Variants in TPTE observed in about 807,000 individuals in gnomAD.
The protein encoded by TPTE is transmembrane phosphatase with tensin homology, also known as putative tyrosine-protein phosphatase TPTE.
Under a neutral mutation model 84.1 loss-of-function variants are expected in TPTE, and 59 were observed. That is an observed-to-expected ratio of 0.70 (90% confidence interval 0.57 to 0.87). TPTE has a LOEUF of 0.87. Among genes scored for constraint, TPTE ranks in the 40% least tolerant of loss-of-function variants. The pLI, the probability that TPTE is intolerant of heterozygous loss-of-function variation, is 0.00. For missense variants in TPTE, 382 were observed against 659.6 expected, an observed-to-expected ratio of 0.58 and a Z score of 4.61; for synonymous variants, 130 against 223.5, an observed-to-expected ratio of 0.58 and a Z score of 3.73.
chr21:10,581,649 T>G (rs1386826559), intron 17 of TPTE, among the ~76,000 whole-genome samples: 1 of 152,312 alleles, frequency 6.6e-6, no homozygotes, highest in Non-Finnish European at 1.5e-5. Flanking sequence ...TGGATGCCAA[T>G]TTTTCTTAGT....
intron 3 of TPTE, among the ~76,000 whole-genome samples, chr21:10,529,834 A>G (rs1447061510): frequency 2.6e-5 from 4 of 152,308 alleles, no homozygotes; most frequent in Admixed American, 2.0e-4. Flanking sequence ...CCTGTTCCAC[A>G]TAAAACTTTC....
chr21:10,544,326 AT>A (rs2074425980), intron 7 of TPTE, among the ~76,000 whole-genome samples: 1 of 152,430 alleles, frequency 6.6e-6, no homozygotes, highest in African/African-American at 2.4e-5. Flanking sequence ...CAATAAATAA[AT>A]TTTTAAAAGA....
intron 3 of TPTE, 115 bp from the exon 4 acceptor site, chr21:10,538,566 A>C: frequency 2.7e-6 from 4 of 1,501,418 alleles, no homozygotes; most frequent in Non-Finnish European, 3.7e-6. Context: ...TGCTATACAC[A>C]TGAATAGTCA....
Position 10,542,396 on chromosome 21 carries a change from C to T in TPTE, c.67C>T (p.Pro23Ser). The T allele has an allele frequency of 6.2e-7, 1 of 1,611,410 alleles. No homozygotes were observed. The highest frequency in any genetic ancestry group is 8.5e-7 in the Non-Finnish European group (1 of 1,178,078). ...VIIELGPNDS[P>S]QTSEFKGATE... is the part of the protein sequence containing the mutation. ...CTGTTTTCTCTTATCATCCACTAGT[C>T]CACAGACAAGTGAATTTAAAGGAGC... The change falls in exon 6 of 24, where the codon CCA becomes TCA. Residue 23 changes from proline (P) to serine (S), a missense_variant and splice_region_variant. Physicochemically the swap from Pro to Ser is moderately conservative, Grantham distance 74. Around this residue, in one of 10 missense-constraint regions of TPTE, gnomAD observed 63 missense variants for 49.5 expected, o/e 1.27. Coordinates refer to ENST00000618007, the MANE Select transcript of TPTE (RefSeq NM_199261.4).
chr21:10,558,543 GTCT>G (rs1213429908), intron 8 of TPTE, among the ~76,000 whole-genome samples: 1 of 152,310 alleles, frequency 6.6e-6, no homozygotes, highest in Non-Finnish European at 1.5e-5. Context: ...CCACATGCAT[GTCT>G]TCTTTTGAGA....
chr21:10,594,595 G>T (rs2075546148), intron 19 of TPTE, among the ~76,000 whole-genome samples: 1 of 152,312 alleles, frequency 6.6e-6, no homozygotes, highest in Non-Finnish European at 1.5e-5. Context: ...GGGAAAGGTG[G>T]AGAATCTAGT....
chr21:10,558,815 A>G (rs1243345358), intron 8 of TPTE, among the ~76,000 whole-genome samples: 2 of 152,252 alleles, frequency 1.3e-5, no homozygotes, highest in African/African-American at 4.8e-5. Context: ...GACAAAAAAA[A>G]TTGTTCCTCA....
chr21:10,590,534 T>A lies in TPTE; in HGVS notation c.1089+11T>A, dbSNP rs1336468400. ...TGTTCAACTGCAAAGGTATGAAAGA[T>A]GTTCTACAAACTTTGTCTTAGGATG... On this transcript the variant is annotated intron_variant, in intron 18 of 23. Coordinates refer to ENST00000618007, the MANE Select transcript of TPTE (RefSeq NM_199261.4). 1.9e-6 allele frequency: 3 copies of A among 1,613,972 alleles called. No homozygotes were observed. The highest frequency in any genetic ancestry group is 2.5e-6 in the Non-Finnish European group (3 of 1,179,830).
chr21:10,548,156 AGCAACTGTGTAT>A (rs1347514783), intron 7 of TPTE, among the ~76,000 whole-genome samples: 1 of 152,302 alleles, frequency 6.6e-6, no homozygotes, highest in African/African-American at 2.4e-5. Flanking sequence ...CTGAGAGACA[AGCAACTGTGTAT>A]GCCCAAGTCT....
At chr21:10,537,949 G>A (rs2074297898) in intron 3 of TPTE, among the ~76,000 whole-genome samples, 1 of 152,296 alleles carries the variant, frequency 6.6e-6, no homozygotes, top group African/African-American at 2.4e-5. Flanking sequence ...TGTCTTGAAT[G>A]AATTTAGATA....
At chr21:10,581,933 C>G (rs1406729364) in intron 17 of TPTE, among the ~76,000 whole-genome samples, 1 of 152,308 alleles carries the variant, frequency 6.6e-6, no homozygotes, top group Non-Finnish European at 1.5e-5. Flanking sequence ...CAGGGTCTCA[C>G]TGTGTTGTCC....
intron 7 of TPTE, 50 bp from the exon 8 acceptor site, chr21:10,552,607 T>A: frequency 6.2e-7 from 1 of 1,613,062 alleles, no homozygotes. Context: ...CACTATTTTG[T>A]GTAGCAAATA....
chr21:10,532,179 A>G (rs1212045633), intron 3 of TPTE, among the ~76,000 whole-genome samples: 1 of 152,308 alleles, frequency 6.6e-6, no homozygotes, highest in African/African-American at 2.4e-5. Context: ...TTTAAATACT[A>G]GGTTGATTTC....
At chr21:10,567,318 G>A (rs2074942681) in intron 10 of TPTE, among the ~76,000 whole-genome samples, 1 of 152,304 alleles carries the variant, frequency 6.6e-6, no homozygotes, top group African/African-American at 2.4e-5. Flanking sequence ...ATGACTGAAA[G>A]AGTGTAATTG....
chr21:10,568,068 T>G (rs1273339056), intron 11 of TPTE, among the ~76,000 whole-genome samples: 1 of 152,312 alleles, frequency 6.6e-6, no homozygotes, highest in Non-Finnish European at 1.5e-5. Context: ...TAACTTTAAC[T>G]TCTCTACATT....
chr21:10,551,139 C>G (rs1269344846), intron 7 of TPTE, among the ~76,000 whole-genome samples: 1 of 152,312 alleles, frequency 6.6e-6, no homozygotes, highest in Non-Finnish European at 1.5e-5. Context: ...ATCCGTGTCC[C>G]TACAAAGGAC....
At chr21:10,528,398 T>C (rs1280474562) in intron 3 of TPTE, among the ~76,000 whole-genome samples, 1 of 152,308 alleles carries the variant, frequency 6.6e-6, no homozygotes, top group Non-Finnish European at 1.5e-5. Context: ...AAAATAGTTT[T>C]CTGGACACTG....
intron 21 of TPTE, among the ~76,000 whole-genome samples, chr21:10,601,495 TCAAA>T (rs1345285962): frequency 2.6e-5 from 4 of 152,144 alleles, no homozygotes; most frequent in Non-Finnish European, 5.9e-5. Context: ...AGACTCTGTC[TCAAA>T]CAAAAAAAAA....
chr21:10,547,108 G>A (rs1357994783), intron 7 of TPTE, among the ~76,000 whole-genome samples: 1 of 152,312 alleles, frequency 6.6e-6, no homozygotes, highest in Non-Finnish European at 1.5e-5. Flanking sequence ...TGAAGCTGGT[G>A]ACTTTAAGTT....
Sources: allele counts gnomAD v4.1 joint callset (sites outside exome capture counted in the v4.1 genomes callset), GRCh38; gene constraint gnomAD v4.1.1; regional missense constraint gnomAD v4.1.1; transcripts MANE v1.5; gene names NCBI Gene and HGNC (gene_info 2026-07-23, HGNC 2026-07-21).